The following SPHKAP variants were observed in gnomAD, a reference collection of about 807,000 sequenced individuals.
SPHKAP encodes the protein SPHK1 interactor, AKAP domain containing, also known as A-kinase anchor protein SPHKAP.
SPHKAP carries 67 observed loss-of-function variants against 137.5 expected under a neutral mutation model. The ratio of observed to expected loss-of-function variants is 0.49; its 90% CI spans 0.40 to 0.60. The LOEUF is 0.60. SPHKAP is among the 20% of genes least tolerant of loss of function. The pLI is 0.00. For synonymous variants in SPHKAP, 813 were observed against 785.3 expected, an observed-to-expected ratio of 1.04 and a Z score of -0.59; for missense variants, 2,097 against 2,069.3, an observed-to-expected ratio of 1.01 and a Z score of -0.26.
intron 3 of SPHKAP, among the ~76,000 whole-genome samples, chr2:228,058,085 T>C (rs1696507058): frequency 6.6e-6 from 1 of 152,222 alleles, no homozygotes; most frequent in Non-Finnish European, 1.5e-5. Context: ...GAGATAGGAC[T>C]ACATTTCTTT....
chr2:228,033,575 C>G (rs1352087725), intron 3 of SPHKAP, among the ~76,000 whole-genome samples: 2 of 152,162 alleles, frequency 1.3e-5, no homozygotes. Context: ...ATAGAATATA[C>G]ATTGTTTTCA....
intron 1 of SPHKAP, among the ~76,000 whole-genome samples, chr2:228,135,165 T>G (rs1169411323): frequency 1.3e-5 from 2 of 149,832 alleles, no homozygotes; most frequent in Non-Finnish European, 2.9e-5. Flanking sequence ...TCCCAGCTAC[T>G]CAGGAGGCTG....
chr2:228,126,670 T>C (rs1474876876), intron 2 of SPHKAP, among the ~76,000 whole-genome samples: 1 of 152,210 alleles, frequency 6.6e-6, no homozygotes, highest in Non-Finnish European at 1.5e-5. Context: ...CAATTGTCAC[T>C]GTATGGTATG....
intron 3 of SPHKAP, among the ~76,000 whole-genome samples, chr2:228,038,994 A>G (rs1695738554): frequency 6.6e-6 from 1 of 152,240 alleles, no homozygotes; most frequent in African/African-American, 2.4e-5. Context: ...GTTTTCTCAC[A>G]AAGAAGCATT....
intron 7 of SPHKAP, among the ~76,000 whole-genome samples, chr2:228,004,970 C>A (rs1694067850): frequency 1.3e-5 from 2 of 152,192 alleles, no homozygotes; most frequent in Non-Finnish European, 2.9e-5. Flanking sequence ...GAGTGCTTTA[C>A]TTCCAACTAT....
At chr2:228,174,259 G>A (rs1174002136) in intron 1 of SPHKAP, among the ~76,000 whole-genome samples, 1 of 151,890 alleles carries the variant, frequency 6.6e-6, no homozygotes. Flanking sequence ...CAGAAAGAAA[G>A]TGATATCTTG....
At chr2:228,102,259 C>T (rs1310810307) in intron 3 of SPHKAP, among the ~76,000 whole-genome samples, 1 of 150,614 alleles carries the variant, frequency 6.6e-6, no homozygotes, top group Non-Finnish European at 1.5e-5. Flanking sequence ...TTTTTTTAAA[C>T]ACACTTGTCA....
At chr2:228,127,118 G>C (rs1292411806) in intron 2 of SPHKAP, among the ~76,000 whole-genome samples, 1 of 152,168 alleles carries the variant, frequency 6.6e-6, no homozygotes, top group African/African-American at 2.4e-5. Context: ...CTCAGTGAAG[G>C]CTGATTGACT....
chr2:227,998,437 T>G (rs1693719133), intron 7 of SPHKAP, among the ~76,000 whole-genome samples: 1 of 152,196 alleles, frequency 6.6e-6, no homozygotes, highest in African/African-American at 2.4e-5. Context: ...CTAACAGTAT[T>G]TATGTTTTTG....
chr2:228,070,894 G>T (rs1490505401), intron 3 of SPHKAP, among the ~76,000 whole-genome samples: 1 of 152,054 alleles, frequency 6.6e-6, no homozygotes, highest in Non-Finnish European at 1.5e-5. Flanking sequence ...CATTATGTTT[G>T]GGAACAAATA....
chr2:228,050,208 A>G (rs191806076), intron 3 of SPHKAP, among the ~76,000 whole-genome samples: 72 of 152,332 alleles, frequency 4.7e-4, no homozygotes, highest in African/African-American at 1.6e-3. Flanking sequence ...CAGGGCTTGA[A>G]GGAAAGGAAC....
chr2:228,090,112 G>A (rs1173970335), intron 3 of SPHKAP, among the ~76,000 whole-genome samples: 2 of 152,152 alleles, frequency 1.3e-5, no homozygotes, highest in Non-Finnish European at 2.9e-5. Flanking sequence ...AAAACTGTAG[G>A]CACTCAACTA....
chr2:228,149,734 T>C (rs1182420107), intron 1 of SPHKAP, among the ~76,000 whole-genome samples: 2 of 152,078 alleles, frequency 1.3e-5, no homozygotes, highest in East Asian at 3.9e-4. Flanking sequence ...TTCCCTTTTT[T>C]TGTGACTCAT....
Position 228,027,499 on chromosome 2 carries a change from T to C in SPHKAP, c.291A>G (p.Thr97=), listed in dbSNP as rs763063578. The part of the protein sequence containing the change: ...NLDVNKDECS[T]EHLQQKLVNV... The stretch of plus-strand genomic sequence containing the variant: ...CAAATGTTACCTGTTGCAGGTGCTC[T>C]GTGCTGCATTCATCCTTGTTCACAT... The change falls in exon 4 of 12, where the codon ACA becomes ACG. Residue 97 remains threonine (T), a synonymous_variant. Transcript: ENST00000392056. The C allele has an allele frequency of 3.1e-6, 5 of 1,614,072 alleles. No homozygotes were observed. Among genetic ancestry groups the C allele is most frequent in the Non-Finnish European group, 4.2e-6 (5 of 1,179,926 alleles).
chr2:227,995,463 T>A (rs756730950), intron 8 of SPHKAP, 46 bp downstream of exon 8: 2 of 1,607,732 alleles, frequency 1.2e-6, no homozygotes, highest in East Asian at 2.2e-5. Context: ...TTTTAGAATC[T>A]GTGTTGAGAC....
chr2:228,131,864 C>T, intron 2 of SPHKAP, 116 bp downstream of exon 2: 2 of 1,421,112 alleles, frequency 1.4e-6, no homozygotes, highest in South Asian at 1.4e-5. Flanking sequence ...AACCGTGAGC[C>T]ATTTTGTTGT....
chr2:228,016,549 C>G lies in SPHKAP; in HGVS notation c.4305G>C (p.Gln1435His), dbSNP rs1193477601. The change falls in exon 7 of 12, where the codon CAG becomes CAC. Residue 1435 changes from glutamine to histidine, a missense_variant. By Grantham distance (24) the Gln-to-His change is conservative. Coordinates refer to ENST00000392056, the MANE Select transcript of SPHKAP (RefSeq NM_001142644.2). ...CAGGTTCCCCAGCACAGGCTTCTCT[C>G]TGATCTGTTTCAATCTGAATCAAAG... ...EVPLIQIETD[Q>H]REACAGEPEP... is the part of the protein sequence containing the mutation. The G allele has an allele frequency of 6.2e-7, 1 of 1,614,150 alleles. No individual in the cohort carries two copies. The highest frequency in any genetic ancestry group is 1.7e-5 in the Admixed American group (1 of 60,018).
chr2:228,104,795 A>C (rs1055376758), intron 3 of SPHKAP, among the ~76,000 whole-genome samples: 1 of 152,194 alleles, frequency 6.6e-6, no homozygotes, highest in Admixed American at 6.5e-5. Flanking sequence ...TCAAATAACC[A>C]ATACGAAAAC....
At chr2:228,164,699 T>C (rs1574911793) in intron 1 of SPHKAP, among the ~76,000 whole-genome samples, 1 of 152,128 alleles carries the variant, frequency 6.6e-6, no homozygotes, top group African/African-American at 2.4e-5. Context: ...GGTCTCATTG[T>C]CACTCATCTC....
Sources: allele counts gnomAD v4.1 joint callset (sites outside exome capture counted in the v4.1 genomes callset), GRCh38; gene constraint gnomAD v4.1.1; transcripts MANE v1.5; gene names NCBI Gene and HGNC (gene_info 2026-07-23, HGNC 2026-07-21).